DCUN1D4: variants seen among roughly 807,000 people sequenced by gnomAD.
The protein encoded by DCUN1D4 is defective in cullin neddylation 1 domain containing 4, also known as DCN1-like protein 4.
Under a neutral mutation model 47.9 loss-of-function variants are expected in DCUN1D4, and 22 were observed. The ratio of observed to expected loss-of-function variants is 0.46; its 90% CI spans 0.33 to 0.66. The LOEUF is 0.66. DCUN1D4 is among the 30% of genes least tolerant of loss of function. The probability of loss-of-function intolerance (pLI) is 0.02; values close to 1 mark genes in which losing one functional copy is unlikely to be tolerated. For synonymous variants in DCUN1D4, 121 were observed against 112.2 expected (o/e 1.08, Z -0.50); for missense variants, 301 against 340.8 (o/e 0.88, Z 0.92).
chr4:51,845,525 A>G (rs984099006), intron 1 of DCUN1D4, among the ~76,000 whole-genome samples: 2 of 152,148 alleles, frequency 1.3e-5, no homozygotes, highest in Non-Finnish European at 2.9e-5. Context: ...TCTCCTTAAT[A>G]CTAGAAACCT....
At position 51,905,348 on chromosome 4, in the gene DCUN1D4, C is replaced by T. The variant is rs1035271258; in HGVS notation, c.616-5722C>T. On this transcript the variant is annotated intron_variant, in intron 8 of 10. Coordinates refer to ENST00000334635, the MANE Select transcript of DCUN1D4 (RefSeq NM_001040402.3). ...CAGTGTCCTTCACAGAGCCACATTG[C>T]TTTCCCTCCACAAAGCTCTCCTCCC... The T allele has an allele frequency of 9.7e-6, 3 of 307,966 alleles. No homozygotes were observed. In the East Asian group the frequency reaches 2.5e-4, roughly 25 times the overall value. 19.1% of individuals were successfully genotyped at this position (307,966 alleles called of 1,614,324 possible).
the DCUN1D4 span, among the ~76,000 whole-genome samples, chr4:51,836,234 C>T: frequency 2.0e-5 from 3 of 152,276 alleles, no homozygotes; most frequent in South Asian, 6.2e-4. Context: ...GAGTGGGTTG[C>T]AGGCCTTTGA....
At chr4:51,845,937 T>C (rs146862357) in intron 1 of DCUN1D4, among the ~76,000 whole-genome samples, 226 of 152,308 alleles carry the variant, frequency 1.5e-3, no homozygotes, top group Middle Eastern at 0.014. Flanking sequence ...AGGAAACTCT[T>C]GGTAATATAA....
the DCUN1D4 span, among the ~76,000 whole-genome samples, chr4:51,837,675 A>G: frequency 1.3e-5 from 2 of 150,524 alleles, no homozygotes; most frequent in South Asian, 2.1e-4. Context: ...AAAAAAAAAA[A>G]AAAAAAAAAA....
At chr4:51,875,889 C>A (rs184447001) in intron 4 of DCUN1D4, among the ~76,000 whole-genome samples, 2 of 151,862 alleles carry the variant, frequency 1.3e-5, no homozygotes, top group Admixed American at 6.6e-5. Context: ...AGTTATTGAC[C>A]ATTTACAGGC....
intron 8 of DCUN1D4, among the ~76,000 whole-genome samples, chr4:51,901,257 A>T (rs1732063273): frequency 1.3e-5 from 2 of 152,166 alleles, no homozygotes; most frequent in South Asian, 4.2e-4. Flanking sequence ...AGTTGTTCCC[A>T]TGTCAGCTCT....
intron 5 of DCUN1D4, among the ~76,000 whole-genome samples, chr4:51,879,608 A>G (rs1177567312): frequency 2.0e-5 from 3 of 152,266 alleles, no homozygotes; most frequent in Non-Finnish European, 4.4e-5. Flanking sequence ...CTCCGTCTCC[A>G]GAAAACAAAA....
At position 51,843,277 on chromosome 4, in the gene DCUN1D4, A is replaced by T. The variant is rs529021293; in HGVS notation, c.25+10A>T. The stretch of plus-strand genomic sequence containing the variant: ...GATGCCGCCGCTGTCAGTGAGTAGC[A>T]GAGAGCCAGCCAGCGGGCCGGGGCC... On this transcript the variant is annotated intron_variant, in intron 1 of 10. Transcript: ENST00000334635. 1.3e-6 allele frequency: 2 copies of T among 1,534,584 alleles called. No homozygotes were observed. The highest frequency in any genetic ancestry group is 1.8e-6 in the Non-Finnish European group (2 of 1,140,822).
At position 51,891,754 on chromosome 4, in the gene DCUN1D4, T is replaced by A. The variant is rs745579138; in HGVS notation, c.415-6T>A. ...TTTTTTTTAATTGTGTATTTTTTTT[T>A]AACAGGTAGTTATGCTTGTCCTAGC... On this transcript the variant is annotated splice_region_variant and splice_polypyrimidine_tract_variant and intron_variant, in intron 6 of 10. Transcript: ENST00000334635. 6.3e-7 allele frequency: 1 copy of A among 1,597,826 alleles called. No homozygotes were observed. The highest frequency in any genetic ancestry group is 8.5e-7 in the Non-Finnish European group (1 of 1,172,766).
At chr4:51,910,902 G>T in intron 8 of DCUN1D4, 168 bp from the exon 9 acceptor site, 1 of 622,286 alleles carries the variant, frequency 1.6e-6, no homozygotes, top group East Asian at 2.8e-5. Context: ...GCCTTCCATT[G>T]TGTTTGACTA....
chr4:51,865,999 G>A (rs1234536503), intron 3 of DCUN1D4, among the ~76,000 whole-genome samples: 1 of 152,132 alleles, frequency 6.6e-6, no homozygotes, highest in Non-Finnish European at 1.5e-5. Flanking sequence ...GAGGGGTTGG[G>A]CTTTCTGCTC....
chr4:51,886,508 C>A, intron 5 of DCUN1D4, 60 bp from the exon 6 acceptor site: 1 of 1,446,060 alleles, frequency 6.9e-7, no homozygotes, highest in Non-Finnish European at 9.6e-7. Context: ...AATACTACTA[C>A]AGTGGTAATA....
chr4:51,857,791 C>A (rs778453382), intron 1 of DCUN1D4, among the ~76,000 whole-genome samples: 2 of 152,198 alleles, frequency 1.3e-5, no homozygotes, highest in Non-Finnish European at 2.9e-5. Context: ...TGACACTTCT[C>A]ACATTTGAAG....
intron 1 of DCUN1D4, among the ~76,000 whole-genome samples, chr4:51,855,373 T>G (rs1452895642): frequency 2.6e-5 from 4 of 152,232 alleles, no homozygotes; most frequent in Non-Finnish European, 5.9e-5. Flanking sequence ...AATTCCATGC[T>G]ATGTGAATTA....
intron 3 of DCUN1D4, among the ~76,000 whole-genome samples, chr4:51,867,045 C>T (rs1726054109): frequency 6.6e-6 from 1 of 152,232 alleles, no homozygotes; most frequent in African/African-American, 2.4e-5. Context: ...GCACCCGCTC[C>T]AATCACTGCA....
chr4:51,868,964 A>G (rs1439321175), intron 3 of DCUN1D4, among the ~76,000 whole-genome samples: 2 of 151,998 alleles, frequency 1.3e-5, no homozygotes, highest in East Asian at 3.9e-4. Flanking sequence ...CTAAAAATAC[A>G]AAAATTAGCT....
chr4:51,844,395 G>A, intron 1 of DCUN1D4: 1 of 984,984 alleles, frequency 1.0e-6, no homozygotes, highest in Non-Finnish European at 1.2e-6. Context: ...ACGGCGGGAA[G>A]CGAGGTCAGC....
intron 8 of DCUN1D4, chr4:51,910,867 A>G: frequency 7.1e-6 from 4 of 565,090 alleles, no homozygotes; most frequent in Non-Finnish European, 9.3e-6. Flanking sequence ...CTCACAGTAA[A>G]TTTATATAAT....
chr4:51,863,501 T>A lies in DCUN1D4; in HGVS notation c.90T>A (p.Asn30Lys). 1 of 1,611,182 alleles carries A rather than the reference T, an allele frequency of 6.2e-7. No individual in the cohort carries two copies. The highest frequency in any genetic ancestry group is 8.5e-7 in the Non-Finnish European group (1 of 1,177,958). The change falls in exon 2 of 11, where the codon AAT becomes AAA. Residue 30 changes from asparagine to lysine, a missense_variant. By Grantham distance (94) the Asn-to-Lys change is moderately conservative. Transcript: ENST00000334635. ...TTCATAAGATCTACCACACCCTTAA[T>A]AAGCTGGTAAGTCATTCTTTTAAAG... ...ANIHKIYHTL[N>K]KLNLTEDIGQ... is the part of the protein sequence containing the mutation.
Sources: gnomAD v4.1 joint callset for allele counts (sites outside exome capture counted in the v4.1 genomes callset) on GRCh38, gnomAD v4.1.1 for gene constraint, MANE v1.5 for transcripts, NCBI Gene and HGNC (gene_info 2026-07-23, HGNC 2026-07-21) for gene names.